Variants in ELMOD1 observed in about 807,000 individuals in gnomAD.
ELMOD1 encodes ELMO domain containing 1.
In ELMOD1, 21 loss-of-function variants were observed where a neutral mutation model predicts 46.7. That is an observed-to-expected ratio of 0.45 (90% CI 0.32 to 0.65). ELMOD1 has a LOEUF of 0.65. ELMOD1 is among the 30% of genes least tolerant of loss of function. The pLI, the probability that ELMOD1 is intolerant of heterozygous loss-of-function variation, is 0.04. For missense variants in ELMOD1, 348 were observed against 407.8 expected (o/e 0.85, Z 1.26); for synonymous variants, 122 against 138.2 (o/e 0.88, Z 0.82).
chr11:107,659,663 GTGGA>G (rs773570377), intron 11 of ELMOD1, among the ~76,000 whole-genome samples: 22,971 of 89,394 alleles, frequency 0.26, 3,499 homozygotes, highest in East Asian at 0.41. Flanking sequence ...GGGTGGGTGG[GTGGA>G]TGGATGGATG....
At chr11:107,664,902 T>C in intron 11 of ELMOD1, 123 bp from the exon 12 acceptor site, 1 of 866,148 alleles carries the variant, frequency 1.2e-6, no homozygotes, top group Non-Finnish European at 1.8e-6. Flanking sequence ...TTTTGAGGTC[T>C]TCTTTGAGCT....
intron 6 of ELMOD1, among the ~76,000 whole-genome samples, chr11:107,636,776 C>A (rs1866236637): frequency 1.3e-5 from 2 of 152,148 alleles, no homozygotes; most frequent in African/African-American, 4.8e-5. Context: ...TCATTCTTGG[C>A]AGTAGTTTTT....
At chr11:107,655,541 G>A (rs983375815) in intron 10 of ELMOD1, among the ~76,000 whole-genome samples, 1 of 134,838 alleles carries the variant, frequency 7.4e-6, no homozygotes, top group African/African-American at 2.7e-5. Context: ...TTAATAGTAA[G>A]TTAAATATCA....
At chr11:107,659,935 C>T (rs1312327140) in intron 11 of ELMOD1, among the ~76,000 whole-genome samples, 4 of 152,102 alleles carry the variant, frequency 2.6e-5, no homozygotes, top group South Asian at 2.1e-4. Context: ...TGGATTGATA[C>T]GCTTCCAAGA....
chr11:107,625,834 C>T (rs1261694797), intron 2 of ELMOD1, among the ~76,000 whole-genome samples: 2 of 152,188 alleles, frequency 1.3e-5, no homozygotes, highest in Non-Finnish European at 2.9e-5. Flanking sequence ...AAGGCAGTAA[C>T]AGAAAAGATT....
At chr11:107,639,172 T>G (rs1866279004) in intron 6 of ELMOD1, among the ~76,000 whole-genome samples, 2 of 151,924 alleles carry the variant, frequency 1.3e-5, no homozygotes, top group Non-Finnish European at 2.9e-5. Context: ...TAATAATAAT[T>G]AAATTAAGTT....
chr11:107,640,677 C>G (rs1866305599), intron 6 of ELMOD1, among the ~76,000 whole-genome samples: 1 of 152,104 alleles, frequency 6.6e-6, no homozygotes, highest in African/African-American at 2.4e-5. Context: ...TAAATCTGTT[C>G]AAAAGAAGGA....
At chr11:107,603,877 A>G (rs1446309144) in intron 1 of ELMOD1, among the ~76,000 whole-genome samples, 2 of 110,652 alleles carry the variant, frequency 1.8e-5, no homozygotes, top group East Asian at 2.4e-4. Context: ...GACCTTGTCT[A>G]AAAAAAAAAA....
At chr11:107,631,739 G>T in intron 5 of ELMOD1, 62 bp downstream of exon 5, 1 of 878,158 alleles carries the variant, frequency 1.1e-6, no homozygotes, top group Non-Finnish European at 1.7e-6. Flanking sequence ...CAGGTTTAGT[G>T]TTTCTCTGTC....
intron 6 of ELMOD1, among the ~76,000 whole-genome samples, chr11:107,644,915 TTTTTGTTTTTGTTTTTG>T (rs1565385755): frequency 2.3e-5 from 3 of 127,864 alleles, no homozygotes; most frequent in Non-Finnish European, 5.4e-5. Context: ...AGGGTTTTTG[TTTTTGTTTTTGTTTTTG>T]TTTTTGTTTT....
chr11:107,613,413 C>T (rs1006580936), intron 1 of ELMOD1, among the ~76,000 whole-genome samples: 1 of 152,176 alleles, frequency 6.6e-6, no homozygotes, highest in East Asian at 1.9e-4. Context: ...TAGACAAGAA[C>T]TTTGTCTCCA....
chr11:107,591,876 C>A (rs1374427206), intron 1 of ELMOD1: 1 of 485,830 alleles, frequency 2.1e-6, no homozygotes, highest in South Asian at 1.5e-5. Flanking sequence ...GCTGCGGGGC[C>A]GCCGGACTGT....
intron 1 of ELMOD1, chr11:107,592,357 G>A (rs371783603): frequency 7.7e-5 from 41 of 534,126 alleles, no homozygotes; most frequent in African/African-American, 1.9e-5. Flanking sequence ...GCCGTAGATT[G>A]GTACTATCAA....
At chr11:107,653,363 G>A (rs1193506171) in intron 9 of ELMOD1, 1 of 151,448 alleles carries the variant, frequency 6.6e-6, no homozygotes, top group Non-Finnish European at 1.5e-5. Context: ...GAGAGAGAAA[G>A]CATTTTCAGA....
intron 11 of ELMOD1, among the ~76,000 whole-genome samples, chr11:107,660,143 T>C (rs1219311749): frequency 6.6e-6 from 1 of 152,188 alleles, no homozygotes; most frequent in Non-Finnish European, 1.5e-5. Context: ...GCACGTCTCC[T>C]GTGTAATATT....
At chr11:107,645,089 A>ATTTTTTTTTTTTT (rs11390120) in intron 6 of ELMOD1, among the ~76,000 whole-genome samples, 22 of 103,198 alleles carry the variant, frequency 2.1e-4, no homozygotes, top group African/African-American at 2.7e-4. Flanking sequence ...TGCCTGGCTA[A>ATTTTTTTTTTTTT]TTTTTTTTTT....
At chr11:107,658,217 G>A (rs2135716510) in intron 11 of ELMOD1, among the ~76,000 whole-genome samples, 1 of 152,276 alleles carries the variant, frequency 6.6e-6, no homozygotes, top group South Asian at 2.1e-4. Flanking sequence ...ATTAGGGCAG[G>A]AGACTGCTTT....
At chr11:107,614,497 C>A (rs1865828547) in intron 1 of ELMOD1, among the ~76,000 whole-genome samples, 1 of 152,246 alleles carries the variant, frequency 6.6e-6, no homozygotes, top group Non-Finnish European at 1.5e-5. Context: ...CACCACCACA[C>A]CCGGCTAATT....
chr11:107,660,855 C>T (rs1397388738), intron 11 of ELMOD1, among the ~76,000 whole-genome samples: 1 of 152,230 alleles, frequency 6.6e-6, no homozygotes, highest in Non-Finnish European at 1.5e-5. Flanking sequence ...TGCAATTATA[C>T]TCCTGTTTGC....
Sources: allele counts gnomAD v4.1 joint callset (sites outside exome capture counted in the v4.1 genomes callset), GRCh38; gene constraint gnomAD v4.1.1; transcripts MANE v1.5; gene names NCBI Gene and HGNC (gene_info 2026-07-23, HGNC 2026-07-21).